The following UNC13C variants were observed in gnomAD, a reference collection of about 807,000 sequenced individuals.
UNC13C encodes the protein unc-13 homolog C, also known as protein unc-13 homolog C.
UNC13C carries 174 observed loss-of-function variants against 245.4 expected under a neutral mutation model. That is an observed-to-expected ratio of 0.71 (90% CI 0.63 to 0.80). UNC13C has a LOEUF of 0.80. UNC13C is among the 30% of genes least tolerant of loss of function. UNC13C has a pLI of 0.00. For missense variants in UNC13C, 2,829 were observed against 2,602.9 expected (o/e 1.09, Z -1.89); for synonymous variants, 992 against 895.1 (o/e 1.11, Z -1.93).
rs961352552 is a variant in UNC13C at position 54,250,718 on chromosome 15, A to G, written c.3448+274A>G. Among the ~76,000 whole-genome samples the G allele has an allele frequency of 8.9e-5, 7 of 78,870 alleles. No homozygotes were observed. The South Asian group carries it at 2.9e-3, about 33-fold the overall frequency. The allele number at this position is 78,870 out of a possible 152,430, so 51.7% of individuals were successfully genotyped here. The stretch of plus-strand genomic sequence containing the variant: ...AAACCTTCAAAGTGACTTCCTATCT[A>G]TTTTCTTTTTTGTCTTTTCTTTCTT... On this transcript the variant is annotated intron_variant, in intron 8 of 32. Transcript: ENST00000260323.
At chr15:54,552,670 TATATA>T (rs1270905420) in intron 28 of UNC13C, among the ~76,000 whole-genome samples, 4 of 74,946 alleles carry the variant, frequency 5.3e-5, no homozygotes, top group South Asian at 7.7e-4. Flanking sequence ...TATATTGTAC[TATATA>T]ATATAATTAT....
chr15:53,955,213 G>A, the UNC13C span, among the ~76,000 whole-genome samples: 2 of 151,576 alleles, frequency 1.3e-5, no homozygotes, highest in African/African-American at 4.9e-5. Context: ...GAATTGCTTT[G>A]TGAAGATTTC....
At chr15:54,114,814 G>T (rs908205072) in intron 2 of UNC13C, among the ~76,000 whole-genome samples, 7 of 152,048 alleles carry the variant, frequency 4.6e-5, no homozygotes, top group African/African-American at 1.7e-4. Context: ...AGCATTACAT[G>T]AATGTTTCCA....
chr15:54,525,414 A>G, intron 24 of UNC13C, 135 bp from the exon 25 acceptor site: 1 of 221,118 alleles, frequency 4.5e-6, no homozygotes, highest in Non-Finnish European at 7.8e-6. Flanking sequence ...TCAAAGACCA[A>G]AAAAAAAAAA....
intron 4 of UNC13C, among the ~76,000 whole-genome samples, chr15:54,208,097 G>A (rs2034771135): frequency 6.6e-6 from 1 of 152,082 alleles, no homozygotes; most frequent in African/African-American, 2.4e-5. Context: ...TACAATCACA[G>A]TAGAAGGTGA....
the UNC13C span, among the ~76,000 whole-genome samples, chr15:53,890,246 A>G: frequency 6.6e-6 from 1 of 151,112 alleles, no homozygotes; most frequent in Non-Finnish European, 1.5e-5. Context: ...GGTTCACACC[A>G]TTCTCCTGCC....
chr15:54,013,648 G>T lies in UNC13C; in HGVS notation c.745G>T (p.Glu249Ter). The T allele has an allele frequency of 6.2e-7, 1 of 1,613,730 alleles. No individual in the cohort carries two copies. The highest frequency in any genetic ancestry group is 8.5e-7 in the Non-Finnish European group (1 of 1,179,832). Residue 249 changes from glutamate (E) to a stop codon, truncating the protein, a stop_gained, in exon 2 of 33, where the codon GAA becomes TAA. Coordinates refer to ENST00000260323, the MANE Select transcript of UNC13C (RefSeq NM_001080534.3). LOFTEE classifies it high-confidence loss of function. ...TGATGTCATGGAAATGATCTTTAAG[G>T]AACTTCAGGGAATAAGTCAGATTGA... ...THDVMEMIFKELQGISQIETE... is the reference protein window; with the variant it reads ...THDVMEMIFK
At chr15:54,146,504 A>G (rs1032325571) in intron 4 of UNC13C, among the ~76,000 whole-genome samples, 1 of 152,240 alleles carries the variant, frequency 6.6e-6, no homozygotes, top group Non-Finnish European at 1.5e-5. Flanking sequence ...GTGTTGCCAG[A>G]AAAGACATGG....
At chr15:53,923,190 T>G in the UNC13C span, among the ~76,000 whole-genome samples, 3 of 152,234 alleles carry the variant, frequency 2.0e-5, no homozygotes, top group Admixed American at 6.5e-5. Context: ...AGCTGTCCCA[T>G]TCACCCAGGT....
intron 10 of UNC13C, among the ~76,000 whole-genome samples, chr15:54,292,170 A>C (rs146382424): frequency 1.3e-5 from 2 of 152,034 alleles, no homozygotes; most frequent in African/African-American, 4.8e-5. Flanking sequence ...AGTGATTGAC[A>C]TGCTAGTTCC....
At chr15:53,869,906 G>T in the UNC13C span, among the ~76,000 whole-genome samples, 2 of 152,218 alleles carry the variant, frequency 1.3e-5, no homozygotes, top group African/African-American at 4.8e-5. Flanking sequence ...AAGCTATTTA[G>T]ATAAACTCCT....
the UNC13C span, among the ~76,000 whole-genome samples, chr15:53,866,316 C>T: frequency 1.3e-5 from 2 of 152,042 alleles, no homozygotes; most frequent in African/African-American, 4.8e-5. Flanking sequence ...GGAATAAACA[C>T]AACTAATGAA....
At chr15:54,400,814 A>G (rs2040166094) in intron 18 of UNC13C, among the ~76,000 whole-genome samples, 1 of 152,164 alleles carries the variant, frequency 6.6e-6, no homozygotes, top group African/African-American at 2.4e-5. Flanking sequence ...GGTTTTTTAC[A>G]TATGTATACA....
At chr15:54,348,508 T>G (rs1238961415) in intron 17 of UNC13C, among the ~76,000 whole-genome samples, 2 of 152,102 alleles carry the variant, frequency 1.3e-5, no homozygotes, top group African/African-American at 4.8e-5. Flanking sequence ...TCAAAAAACA[T>G]CTCTTTGTAT....
the UNC13C span, among the ~76,000 whole-genome samples, chr15:53,878,242 A>G: frequency 6.6e-6 from 1 of 152,112 alleles, no homozygotes; most frequent in Non-Finnish European, 1.5e-5. Flanking sequence ...GATCACTATT[A>G]TCACCTCCTC....
At chr15:54,326,724 ACC>A (rs1018584810) in intron 14 of UNC13C, among the ~76,000 whole-genome samples, 4 of 152,076 alleles carry the variant, frequency 2.6e-5, no homozygotes, top group Non-Finnish European at 5.9e-5. Flanking sequence ...TATTAATAGC[ACC>A]TTTCAGTTAA....
intron 4 of UNC13C, among the ~76,000 whole-genome samples, chr15:54,213,207 T>A (rs1374712921): frequency 1.3e-5 from 2 of 152,032 alleles, no homozygotes. Flanking sequence ...AGCATTAGGT[T>A]ATACCCTATA....
chr15:54,220,382 T>C (rs1306319493), intron 4 of UNC13C, among the ~76,000 whole-genome samples: 1 of 136,666 alleles, frequency 7.3e-6, no homozygotes, highest in Admixed American at 8.3e-5. Context: ...CACTCATAGA[T>C]GGGAATTGAA....
In UNC13C at chr15:54,132,076, T is replaced by TTTTTTTTCTTTTTCTTTTTC. The variant is rs549957255; in HGVS notation, c.2984-10935_2984-10934insCTTTTTCTTTTTCTTTTTTT. ...TGCAATTCAGTTTTTTTCTTTTTCT[T>TTTTTTTTCTTTTTCTTTTTC]TTTTTTTTTTGACAGCGTCTTGCTC... On this transcript the variant is annotated intron_variant, in intron 2 of 32. Transcript: ENST00000260323. Among the ~76,000 whole-genome samples the TTTTTTTTCTTTTTCTTTTTC allele has an allele frequency of 1.9e-4, 27 of 141,662 alleles. 1 individual carries two copies. Among genetic ancestry groups the TTTTTTTTCTTTTTCTTTTTC allele is most frequent in the African/African-American group, 5.6e-4 (21 of 37,634 alleles). The allele number at this position is 141,662 out of a possible 152,430, so 92.9% of individuals were successfully genotyped here. A position where few individuals can be genotyped will look rare whatever the true frequency, so the allele number is the denominator to read the frequency against.
Sources: allele counts gnomAD v4.1 joint callset (sites outside exome capture counted in the v4.1 genomes callset), GRCh38; gene constraint gnomAD v4.1.1; transcripts MANE v1.5; gene names NCBI Gene and HGNC (gene_info 2026-07-23, HGNC 2026-07-21).